Variants in CYFIP2 observed in about 807,000 individuals in gnomAD.
CYFIP2 encodes cytoplasmic FMR1 interacting protein 2, also known as cytoplasmic FMR1-interacting protein 2.
Under a neutral mutation model 158.7 loss-of-function variants are expected in CYFIP2, and 29 were observed. The ratio of observed to expected loss-of-function variants is 0.18; its 90% CI spans 0.14 to 0.25. The LOEUF (loss-of-function observed/expected upper bound fraction) is 0.25, where lower values mean the gene tolerates loss of function less well. Ranked by LOEUF, CYFIP2 falls within the 10% of genes least tolerant of loss-of-function variation. CYFIP2 has a pLI of 1.00. For synonymous variants in CYFIP2, 585 were observed against 617.6 expected (o/e 0.95, Z 0.78); for missense variants, 852 against 1,639.5 (o/e 0.52, Z 8.29).
At chr5:157,293,010 ATATGTATG>A (rs57500401) in intron 3 of CYFIP2, among the ~76,000 whole-genome samples, 7,811 of 144,218 alleles carry the variant, frequency 0.054, 245 homozygotes, top group African/African-American at 0.091. Context: ...TTGAGCCCAG[ATATGTATG>A]TATGTATGTA....
chr5:157,275,249 G>A (rs1169599700), intron 1 of CYFIP2, among the ~76,000 whole-genome samples: 1 of 151,918 alleles, frequency 6.6e-6, no homozygotes, highest in Non-Finnish European at 1.5e-5. Context: ...ATAATTCAAG[G>A]TCACAAAGAT....
chr5:157,286,936 G>T, intron 2 of CYFIP2, 83 bp from the exon 3 acceptor site: 1 of 987,640 alleles, frequency 1.0e-6, no homozygotes, highest in Non-Finnish European at 1.6e-6. Context: ...GTTGTTTGTT[G>T]GCAGCAGTTT....
chr5:157,267,683 A>G (rs550884263), intron 1 of CYFIP2, among the ~76,000 whole-genome samples: 11 of 152,364 alleles, frequency 7.2e-5, no homozygotes, highest in African/African-American at 2.4e-4. Flanking sequence ...CAGGTGCTTT[A>G]CAAGTCATTT....
At position 157,311,007 on chromosome 5, in the gene CYFIP2, T is replaced by C; in HGVS notation, c.993-657T>C. On this transcript the variant is annotated intron_variant, in intron 10 of 30. Coordinates refer to ENST00000620254, the MANE Select transcript of CYFIP2 (RefSeq NM_001037333.3). This position sits in a 1 kb window ranked among gnomAD's most constrained non-coding sequence, Gnocchi z 4.7. ...CATTTCCTCTCTGACTTAGGATGGTTTTCCTAATGACATCTTTTCACAAGG... is the reference window on the plus strand; with the variant it reads ...CATTTCCTCTCTGACTTAGGATGGTCTTCCTAATGACATCTTTTCACAAGG... The C allele has an allele frequency of 2.2e-6, 1 of 455,666 alleles. No homozygotes were observed. Among genetic ancestry groups the C allele is most frequent in the South Asian group, 1.5e-5 (1 of 64,542 alleles). The allele number at this position is 455,666 out of a possible 1,614,324, so 28.2% of individuals were successfully genotyped here. A position where few individuals can be genotyped will look rare whatever the true frequency, so the allele number is the denominator to read the frequency against.
rs1004793078 is a variant in CYFIP2, at chr5:157,372,886, C to T, written c.3040-9704C>T. Among the ~76,000 whole-genome samples the T allele has an allele frequency of 2.6e-5, 4 of 152,122 alleles. No individual in the cohort carries two copies. In the East Asian group the frequency reaches 7.7e-4, roughly 29 times the overall value. On this transcript the variant is annotated intron_variant, in intron 26 of 30. Transcript: ENST00000620254. ...AGGCTTACCTTCTGCTTCAGGAATA[C>T]TAACAGAGAAACACACACACACACA... is the stretch of plus-strand genomic sequence containing the variant.
At chr5:157,387,607 TG>T (rs1432425284) in intron 28 of CYFIP2, among the ~76,000 whole-genome samples, 4 of 152,166 alleles carry the variant, frequency 2.6e-5, no homozygotes, top group African/African-American at 9.7e-5. Context: ...GAGCCCTTTC[TG>T]GGGCCAAATA....
chr5:157,296,547 T>C, intron 4 of CYFIP2, 126 bp from the exon 5 acceptor site: 1 of 839,354 alleles, frequency 1.2e-6, no homozygotes, highest in Non-Finnish European at 2.0e-6. Context: ...TGAGCCATGA[T>C]CATGCCACTG....
rs576583235 is a variant in CYFIP2 at position 157,379,470 on chromosome 5, T to TA, written c.3040-3111dup. On this transcript the variant is annotated intron_variant, in intron 26 of 30. Coordinates refer to ENST00000620254, the MANE Select transcript of CYFIP2 (RefSeq NM_001037333.3). ...ATTAAAGAAATATCATTCCTACTTA[T>TA]AAAAAAAAACTTCCAACAAAAAAAA... Among the ~76,000 whole-genome samples, 200 of 147,562 alleles carry TA rather than the reference T, an allele frequency of 1.4e-3. 1 individual carries two copies. The highest frequency in any genetic ancestry group is 4.6e-3 in the African/African-American group (181 of 39,340).
At chr5:157,340,855 C>T (rs1404902129) in intron 22 of CYFIP2, among the ~76,000 whole-genome samples, 2 of 152,140 alleles carry the variant, frequency 1.3e-5, no homozygotes, top group African/African-American at 4.8e-5. Context: ...GCCCAGGAAT[C>T]TAGACTGAAT....
chr5:157,333,462 C>T lies in CYFIP2; in HGVS notation c.2385+16C>T, dbSNP rs555235182. The stretch of plus-strand genomic sequence containing the variant: ...CTCCATTGTGGTAAGAGTCTGGGAG[C>T]GTGTGGGATTTCTGCTCTGTGATTT... On this transcript the variant is annotated intron_variant, in intron 21 of 30. Coordinates refer to ENST00000620254, the MANE Select transcript of CYFIP2 (RefSeq NM_001037333.3). 2.4e-5 allele frequency: 38 copies of T among 1,613,786 alleles called. No individual in the cohort carries two copies. The highest frequency in any genetic ancestry group is 9.3e-5 in the African/African-American group (7 of 75,018).
chr5:157,335,622 G>A (rs1761797777), intron 21 of CYFIP2, among the ~76,000 whole-genome samples: 1 of 152,198 alleles, frequency 6.6e-6, no homozygotes. Context: ...GGGCTGCAAT[G>A]CAGTGATTTT....
At position 157,321,281 on chromosome 5, in the gene CYFIP2, G is replaced by C. The variant is rs952679356; in HGVS notation, c.1671+479G>C. Among the ~76,000 whole-genome samples, 8 of 152,206 alleles carry C rather than the reference G, an allele frequency of 5.3e-5. 1 individual carries two copies. The highest frequency in any genetic ancestry group is 1.5e-5 in the Non-Finnish European group (1 of 68,032). ...CTTGGGCAAGCACCTTGAGCTTTCT[G>C]AGCTCTGATTATCTTCTCTGTAAAA... On this transcript the variant is annotated intron_variant, in intron 15 of 30. Transcript: ENST00000620254.
Position 157,293,346 on chromosome 5 carries a change from G to A in CYFIP2, c.208-1437G>A, listed in dbSNP as rs1580991030. Among the ~76,000 whole-genome samples the A allele has an allele frequency of 2.0e-5, 3 of 152,234 alleles. No homozygotes were observed. The South Asian group carries it at 6.2e-4, about 32-fold the overall frequency. On this transcript the variant is annotated intron_variant, in intron 3 of 30. Coordinates refer to ENST00000620254, the MANE Select transcript of CYFIP2 (RefSeq NM_001037333.3). Reference sequence around the variant, plus strand: ...GCTAGGATTACAGGTGTGAACCACTGCGCCCAGCCTTGAGCCCAGGTATTC... The same window carrying A: ...GCTAGGATTACAGGTGTGAACCACTACGCCCAGCCTTGAGCCCAGGTATTC...
chr5:157,384,216 C>T (rs1269158827), intron 28 of CYFIP2: 1 of 447,588 alleles, frequency 2.2e-6, no homozygotes, highest in Admixed American at 2.4e-5. Flanking sequence ...CCCCTGCCTT[C>T]AGAGAATTCA....
At chr5:157,298,818 CGTG>C (rs1396521197) in intron 5 of CYFIP2, among the ~76,000 whole-genome samples, 1 of 152,178 alleles carries the variant, frequency 6.6e-6, no homozygotes, top group Non-Finnish European at 1.5e-5. Flanking sequence ...AATCATATAA[CGTG>C]GTCTTTTGTG....
At chr5:157,319,015 TACACGCCTCCCTTCCTCGG>T (rs1760372417) in intron 13 of CYFIP2, among the ~76,000 whole-genome samples, 1 of 152,144 alleles carries the variant, frequency 6.6e-6, no homozygotes, top group African/African-American at 2.4e-5. Context: ...GCTGCATAGA[TACACGCCTCCCTTCCTCGG>T]GATGGGCAGG....
At chr5:157,369,104 G>A (rs1044433391) in intron 26 of CYFIP2, among the ~76,000 whole-genome samples, 1 of 151,900 alleles carries the variant, frequency 6.6e-6, no homozygotes, top group African/African-American at 2.4e-5. Flanking sequence ...TCACCATATC[G>A]GCCAGGCTGG....
chr5:157,360,479 T>C, intron 25 of CYFIP2, 107 bp downstream of exon 25: 1 of 863,328 alleles, frequency 1.2e-6, no homozygotes, highest in Non-Finnish European at 1.8e-6. Context: ...GCTGGCAGAG[T>C]ACTGGCTATC....
chr5:157,276,340 G>A (rs1179209271), intron 1 of CYFIP2, among the ~76,000 whole-genome samples: 1 of 152,058 alleles, frequency 6.6e-6, no homozygotes, highest in African/African-American at 2.4e-5. Flanking sequence ...TATCATGAAG[G>A]CGTTGAGATT....
Sources: allele counts gnomAD v4.1 joint callset (sites outside exome capture counted in the v4.1 genomes callset), GRCh38; gene constraint gnomAD v4.1.1; non-coding constraint Gnocchi (gnomAD v3.1); transcripts MANE v1.5; gene names NCBI Gene and HGNC (gene_info 2026-07-23, HGNC 2026-07-21).